The following CD8B2 variants were observed in gnomAD, a reference collection of about 807,000 sequenced individuals.
CD8B2 encodes T-cell surface glycoprotein CD8 beta-2 chain.
CD8B2 carries 11 observed loss-of-function variants against 23.7 expected under a neutral mutation model. The observed-to-expected ratio is 0.46, with a 90% CI of 0.29 to 0.77. The LOEUF is 0.77. CD8B2 is among the 30% of genes least tolerant of loss of function. The pLI, the probability that CD8B2 is intolerant of heterozygous loss-of-function variation, is 0.09. For missense variants in CD8B2, 197 were observed against 270.5 expected (o/e 0.73, Z 1.91); for synonymous variants, 90 against 109.3 (o/e 0.82, Z 1.10).
At chr2:106,518,332 C>T (rs1268089204) in intron 5 of CD8B2, among the ~76,000 whole-genome samples, 1 of 152,134 alleles carries the variant, frequency 6.6e-6, no homozygotes, top group Non-Finnish European at 1.5e-5. Context: ...GAGAATTGCA[C>T]AGTAGGTAGG....
intron 5 of CD8B2, among the ~76,000 whole-genome samples, chr2:106,529,489 A>G (rs1326540352): frequency 6.6e-6 from 1 of 152,208 alleles, no homozygotes; most frequent in Non-Finnish European, 1.5e-5. Flanking sequence ...CAGCTGTGAG[A>G]GAGGATGTCT....
intron 4 of CD8B2, 140 bp downstream of exon 4, chr2:106,502,703 G>T (rs1252161426): frequency 3.5e-6 from 2 of 571,506 alleles, no homozygotes; most frequent in Non-Finnish European, 6.3e-6. Flanking sequence ...ATTTCCGGAG[G>T]TAGTTCTTGG....
At chr2:106,534,147 T>C (rs559709771) in intron 5 of CD8B2, among the ~76,000 whole-genome samples, 32 of 152,220 alleles carry the variant, frequency 2.1e-4, no homozygotes, top group African/African-American at 6.3e-4. Context: ...ACCCCAACCT[T>C]ACAAGAGCTA....
chr2:106,523,728 A>T (rs763593357), intron 5 of CD8B2, among the ~76,000 whole-genome samples: 7 of 152,218 alleles, frequency 4.6e-5, no homozygotes, highest in Non-Finnish European at 8.8e-5. Context: ...GACATCAACT[A>T]GGAGAACAGG....
At chr2:106,543,123 A>T (rs958761395) in intron 5 of CD8B2, 1 of 152,246 alleles carries the variant, frequency 6.6e-6, no homozygotes, top group African/African-American at 2.4e-5. Context: ...AGTAACTTCA[A>T]TGCGGAAGGA....
intron 5 of CD8B2, among the ~76,000 whole-genome samples, chr2:106,505,432 C>T (rs1486387492): frequency 1.4e-5 from 2 of 142,708 alleles, no homozygotes; most frequent in Admixed American, 6.8e-5. Flanking sequence ...TCGGATTTCT[C>T]GTCTGTTAAA....
chr2:106,528,723 A>C (rs1241756521), intron 5 of CD8B2, among the ~76,000 whole-genome samples: 1 of 152,220 alleles, frequency 6.6e-6, no homozygotes, highest in African/African-American at 2.4e-5. Context: ...ACTGTGTGGC[A>C]GACACTGTGG....
In CD8B2 at chr2:106,510,864, C is replaced by T. The variant is rs561486830; in HGVS notation, c.*3924C>T. The T allele has an allele frequency of 3.3e-5, 5 of 151,830 alleles. No individual in the cohort carries two copies. Among genetic ancestry groups the T allele is most frequent in the African/African-American group, 1.2e-4 (5 of 41,394 alleles). The allele number at this position is 151,830 out of a possible 1,614,324, so 9.4% of individuals were successfully genotyped here. A position where few individuals can be genotyped will look rare whatever the true frequency, so the allele number is the denominator to read the frequency against. On this transcript the variant is annotated 3_prime_UTR_variant, in exon 6 of 6. Coordinates refer to ENST00000643224, the MANE Select transcript of CD8B2 (RefSeq NM_001349727.2). ...GAAAATTAAATCTTCTAATATTGTTCTGCAGATTTGATCTTTTTTCTCTAA... is the reference window on the plus strand; with the variant it reads ...GAAAATTAAATCTTCTAATATTGTTTTGCAGATTTGATCTTTTTTCTCTAA...
At chr2:106,494,439 C>A (rs549282317) in intron 2 of CD8B2, among the ~76,000 whole-genome samples, 1 of 152,030 alleles carries the variant, frequency 6.6e-6, no homozygotes, top group African/African-American at 2.4e-5. Flanking sequence ...TGAGTCACCG[C>A]GCCCAGCCTT....
intron 5 of CD8B2, among the ~76,000 whole-genome samples, chr2:106,516,414 T>C (rs1431128112): frequency 2.6e-5 from 4 of 152,208 alleles, no homozygotes; most frequent in Non-Finnish European, 4.4e-5. Context: ...TCTTTCCCGA[T>C]GTACCCCTGG....
Position 106,496,269 on chromosome 2 carries a change from TC to T in CD8B2, c.493+10del, listed in dbSNP as rs1215269807. 6.6e-7 allele frequency: 1 copy of T among 1,518,320 alleles called. No individual in the cohort carries two copies. Among genetic ancestry groups the T allele is most frequent in the East Asian group, 2.5e-5 (1 of 40,578 alleles). The allele number at this position is 1,518,320 out of a possible 1,614,324, so 94.1% of individuals were successfully genotyped here. ...AGGCCAGAGACCCAGAAGGGTGAGT[TC>T]CCTATCCCTCTGCACCCTCAGAAAC... On this transcript the variant is annotated splice_region_variant and intron_variant, in intron 3 of 5. Coordinates refer to ENST00000643224, the MANE Select transcript of CD8B2 (RefSeq NM_001349727.2).
At chr2:106,490,599 A>G (rs887621027) in intron 1 of CD8B2, among the ~76,000 whole-genome samples, 1 of 152,254 alleles carries the variant, frequency 6.6e-6, no homozygotes, top group African/African-American at 2.4e-5. Flanking sequence ...AGGGCCAGGC[A>G]TATAAGTACA....
chr2:106,518,509 A>C (rs1486568966), intron 5 of CD8B2, among the ~76,000 whole-genome samples: 2 of 152,236 alleles, frequency 1.3e-5, no homozygotes, highest in Non-Finnish European at 2.9e-5. Context: ...TTGGTTTCAG[A>C]ATGTTGATTT....
chr2:106,494,087 A>C (rs1679249217), intron 2 of CD8B2, among the ~76,000 whole-genome samples: 1 of 152,064 alleles, frequency 6.6e-6, no homozygotes. Flanking sequence ...TTTATATAGA[A>C]GATGCCAGCC....
chr2:106,507,918 C>G lies in CD8B2; in HGVS notation c.*978C>G, dbSNP rs1402665995. On this transcript the variant is annotated 3_prime_UTR_variant, in exon 6 of 6. Coordinates refer to ENST00000643224, the MANE Select transcript of CD8B2 (RefSeq NM_001349727.2). Reference sequence around the variant, plus strand: ...TGAACTAGCACGTGTTCATTTCTACCGCGGGTTGAACCGCAGGGATCCCTG... The same window carrying G: ...TGAACTAGCACGTGTTCATTTCTACGGCGGGTTGAACCGCAGGGATCCCTG... 6.7e-6 allele frequency: 1 copy of G among 149,804 alleles called. No homozygotes were observed. Among genetic ancestry groups the G allele is most frequent in the Admixed American group, 6.7e-5 (1 of 14,916 alleles). The allele number at this position is 149,804 out of a possible 1,614,324, so 9.3% of individuals were successfully genotyped here.
intron 5 of CD8B2, among the ~76,000 whole-genome samples, chr2:106,528,954 G>A (rs989585675): frequency 7.2e-5 from 11 of 152,280 alleles, no homozygotes; most frequent in South Asian, 4.1e-4. Flanking sequence ...CCGTTTTCTC[G>A]ACGAGTTTCC....
downstream of CD8B2, among the ~76,000 whole-genome samples, chr2:106,512,669 T>G (rs191526465): frequency 3.0e-4 from 46 of 152,172 alleles, no homozygotes; most frequent in East Asian, 6.0e-3. Context: ...GGTCTCAAAC[T>G]CCTGAGCTCA....
At chr2:106,502,162 G>A (rs556030696) in intron 3 of CD8B2, among the ~76,000 whole-genome samples, 1 of 151,934 alleles carries the variant, frequency 6.6e-6, no homozygotes, top group South Asian at 2.1e-4. Flanking sequence ...CAGGCATGGT[G>A]GCACATGCCT....
rs145253004 is a variant in CD8B2, at chr2:106,526,680, C to T, written c.621-17312C>T. Among the ~76,000 whole-genome samples, 662 of 152,182 alleles carry T rather than the reference C, an allele frequency of 4.4e-3. 4 individuals are homozygous for T. Among genetic ancestry groups the T allele is most frequent in the African/African-American group, 0.015 (616 of 41,512 alleles). On this transcript the variant is annotated intron_variant, in intron 5 of 5. Coordinates refer to the CD8B2 transcript ENST00000416057. ...TTTTTTCCTTTTTGAGACAGAGTTT[C>T]GCTCTTGTTGCCCAGGCTGGAGTGC...
Sources: gnomAD v4.1 joint callset for allele counts (sites outside exome capture counted in the v4.1 genomes callset) on GRCh38, gnomAD v4.1.1 for gene constraint, MANE v1.5 for transcripts, NCBI Gene and HGNC (gene_info 2026-07-23, HGNC 2026-07-21) for gene names.